AKAP13: variants seen among roughly 807,000 people sequenced by gnomAD.
The protein encoded by AKAP13 is A-kinase anchor protein 13.
AKAP13 carries 80 observed loss-of-function variants against 264.5 expected under a neutral mutation model. That is an observed-to-expected ratio of 0.30 (90% CI 0.25 to 0.36). The LOEUF (loss-of-function observed/expected upper bound fraction) is 0.36. AKAP13 is among the 10% of genes least tolerant of loss of function. The pLI, the probability that AKAP13 is intolerant of heterozygous loss-of-function variation, is 1.00. For synonymous variants in AKAP13, 1,380 were observed against 1,250.2 expected, an observed-to-expected ratio of 1.10 and a Z score of -2.19; for missense variants, 3,712 against 3,435.2, an observed-to-expected ratio of 1.08 and a Z score of -2.01.
At chr15:85,462,955 C>T (rs2074575067) in intron 1 of AKAP13, among the ~76,000 whole-genome samples, 2 of 131,970 alleles carry the variant, frequency 1.5e-5, no homozygotes, top group Non-Finnish European at 3.1e-5. Context: ...ACCCGGGAGG[C>T]GGAGCTTGCA....
intron 1 of AKAP13, among the ~76,000 whole-genome samples, chr15:85,397,425 G>A (rs928411555): frequency 1.1e-4 from 17 of 152,054 alleles, no homozygotes; most frequent in Admixed American, 2.0e-4. Flanking sequence ...TTTCTTTCCC[G>A]AGCTCAAATA....
At chr15:85,462,832 G>A (rs899285178) in intron 1 of AKAP13, among the ~76,000 whole-genome samples, 5 of 151,286 alleles carry the variant, frequency 3.3e-5, no homozygotes, top group East Asian at 1.9e-4. Context: ...AGACCATCCC[G>A]GCTAAAATGA....
intron 1 of AKAP13, among the ~76,000 whole-genome samples, chr15:85,434,172 T>A (rs2073158017): frequency 6.6e-6 from 1 of 151,240 alleles, no homozygotes; most frequent in Admixed American, 6.6e-5. Context: ...GTGCAAGGGG[T>A]CAGGGAGTTC....
intron 19 of AKAP13, among the ~76,000 whole-genome samples, 197 bp from the exon 20 acceptor site, chr15:85,715,591 G>C (rs1215713201): frequency 6.7e-6 from 1 of 150,242 alleles, no homozygotes; most frequent in East Asian, 2.0e-4. Flanking sequence ...TTATTTGTCA[G>C]ATGGGTCAGT....
chr15:85,491,547 A>G (rs1295643889), intron 2 of AKAP13, among the ~76,000 whole-genome samples: 6 of 142,684 alleles, frequency 4.2e-5, no homozygotes, highest in Non-Finnish European at 1.5e-5. Flanking sequence ...TATAATATAT[A>G]TATTTTAGCA....
rs1451978128 is a variant in AKAP13, at chr15:85,543,777, G to C, written c.484G>C (p.Gly162Arg). 2.5e-6 allele frequency: 4 copies of C among 1,601,738 alleles called. No homozygotes were observed. Among genetic ancestry groups the C allele is most frequent in the Non-Finnish European group, 3.4e-6 (4 of 1,173,330 alleles). The change falls in exon 5 of 37, where the codon GGC becomes CGC. Residue 162 changes from glycine to arginine, a missense_variant. Transcript: ENST00000394518. ...LGTDQSLHDA[G>R]PRETLMHFAV... is the part of the protein sequence containing the mutation. ...ATTTTCTCCCCCATTTACAGATGCT[G>C]GCCCGCGAGAGACATTGATGCATTT... is the stretch of plus-strand genomic sequence containing the variant.
intron 8 of AKAP13, among the ~76,000 whole-genome samples, chr15:85,608,288 C>T (rs1489316371): frequency 6.6e-6 from 1 of 152,138 alleles, no homozygotes. Flanking sequence ...ACAGAAACTA[C>T]TTCAGACAAA....
chr15:85,622,456 C>T (rs1300338941), intron 8 of AKAP13, among the ~76,000 whole-genome samples: 1 of 152,074 alleles, frequency 6.6e-6, no homozygotes, highest in African/African-American at 2.4e-5. Context: ...AGTGGGGTAG[C>T]AGGATGAGAA....
At chr15:85,395,224 T>G (rs2150817784) in intron 1 of AKAP13, among the ~76,000 whole-genome samples, 1 of 152,324 alleles carries the variant, frequency 6.6e-6, no homozygotes, top group East Asian at 1.9e-4. Flanking sequence ...AATTAAATTT[T>G]TATAATGAAT....
chr15:85,658,882 C>G (rs879104635), intron 12 of AKAP13, among the ~76,000 whole-genome samples: 4 of 152,104 alleles, frequency 2.6e-5, no homozygotes, highest in African/African-American at 9.7e-5. Flanking sequence ...TCTCACCTAG[C>G]TTTCTCTAGG....
chr15:85,729,947 AAAAAAC>A lies in AKAP13; in HGVS notation c.7088-548_7088-543del, dbSNP rs898256752. Among the ~76,000 whole-genome samples the A allele has an allele frequency of 4.6e-5, 7 of 151,564 alleles. No homozygotes were observed. In the South Asian group the frequency reaches 6.3e-4, roughly 14 times the overall value. On this transcript the variant is annotated intron_variant, in intron 29 of 36. Transcript: ENST00000394518. ...CAATAGGAGCGAAACTTTCCGTCTC[AAAAAAC>A]AAAAACAAAAACAAAAAAAAAAGAA...
At chr15:85,497,200 T>C (rs1328902393) in intron 2 of AKAP13, among the ~76,000 whole-genome samples, 1 of 152,232 alleles carries the variant, frequency 6.6e-6, no homozygotes, top group Non-Finnish European at 1.5e-5. Context: ...TTAATTCATT[T>C]AAAACAAGTA....
chr15:85,741,640 C>G (rs2088971893), intron 35 of AKAP13, 145 bp downstream of exon 35: 1 of 1,262,832 alleles, frequency 7.9e-7, no homozygotes, highest in Middle Eastern at 2.3e-4. Flanking sequence ...CTTTAGGAGG[C>G]TGAGGTGAGA....
intron 1 of AKAP13, among the ~76,000 whole-genome samples, chr15:85,449,610 T>G (rs2074013986): frequency 6.6e-6 from 1 of 152,198 alleles, no homozygotes; most frequent in African/African-American, 2.4e-5. Flanking sequence ...ATACCTAGTT[T>G]ATTGAGAGTT....
At chr15:85,629,538 G>A (rs1467859377) in intron 8 of AKAP13, among the ~76,000 whole-genome samples, 2 of 152,128 alleles carry the variant, frequency 1.3e-5, no homozygotes, top group East Asian at 1.9e-4. Context: ...AAATAGATGC[G>A]ATTTTGTTCT....
intron 3 of AKAP13, among the ~76,000 whole-genome samples, chr15:85,529,888 A>T (rs946692532): frequency 3.3e-5 from 5 of 152,220 alleles, no homozygotes; most frequent in Non-Finnish European, 7.3e-5. Flanking sequence ...TACCAAACAA[A>T]TTCCAGATTT....
intron 1 of AKAP13, among the ~76,000 whole-genome samples, chr15:85,462,714 TA>T (rs1271799581): frequency 6.6e-6 from 1 of 152,166 alleles, no homozygotes; most frequent in African/African-American, 2.4e-5. Context: ...ATAGAAACTG[TA>T]AAAAAATTTA....
intron 8 of AKAP13, among the ~76,000 whole-genome samples, chr15:85,599,167 T>A (rs1435169885): frequency 6.6e-6 from 1 of 152,212 alleles, no homozygotes; most frequent in Admixed American, 6.5e-5. Context: ...CTGAGCCTGC[T>A]CTTTCCTCCT....
At position 85,581,303 on chromosome 15, in the gene AKAP13, A is replaced by C. The variant is rs1288739705; in HGVS notation, c.3235A>C (p.Ser1079Arg). 3.1e-6 allele frequency: 5 copies of C among 1,614,212 alleles called. No individual in the cohort carries two copies. Among genetic ancestry groups the C allele is most frequent in the Middle Eastern group, 1.6e-4 (1 of 6,062 alleles). ...VKNTQSQGKT[S>R]ACEVSGDVTV... The stretch of plus-strand genomic sequence containing the variant: ...GAACACTCAATCCCAGGGAAAAACT[A>C]GTGCCTGTGAGGTGAGTGGAGATGT... Residue 1079 changes from serine (S) to arginine (R), a missense_variant, in exon 7 of 37, where the codon AGT (serine) becomes CGT (arginine). Physicochemically the swap from Ser to Arg is moderately radical, Grantham distance 110 (BLOSUM62 -1). Around this residue, in one of 3 missense-constraint regions of AKAP13, gnomAD observed 2,759 missense variants for 2,411.7 expected, o/e 1.14. Transcript: ENST00000394518.
Sources: allele counts gnomAD v4.1 joint callset (sites outside exome capture counted in the v4.1 genomes callset), GRCh38; gene constraint gnomAD v4.1.1; regional missense constraint gnomAD v4.1.1; transcripts MANE v1.5; gene names NCBI Gene and HGNC (gene_info 2026-07-23, HGNC 2026-07-21).